The following VPS41 variants were observed in gnomAD, a reference collection of about 807,000 sequenced individuals.
The protein encoded by VPS41 is vacuolar protein sorting-associated protein 41 homolog.
VPS41 carries 85 observed loss-of-function variants against 130.9 expected under a neutral mutation model. The observed-to-expected ratio is 0.65, with a 90% confidence interval of 0.55 to 0.78. The LOEUF is 0.78. VPS41 is among the 30% of genes least tolerant of loss of function. The probability of loss-of-function intolerance (pLI) is 0.00; values close to 1 mark genes in which losing one functional copy is unlikely to be tolerated. For missense variants in VPS41, 874 were observed against 1,018.7 expected, an observed-to-expected ratio of 0.86 and a Z score of 1.93; for synonymous variants, 335 against 332.9, an observed-to-expected ratio of 1.01 and a Z score of -0.07.
At chr7:38,804,128 T>G (rs1295728457) in intron 7 of VPS41, among the ~76,000 whole-genome samples, 2 of 152,200 alleles carry the variant, frequency 1.3e-5, no homozygotes, top group Non-Finnish European at 2.9e-5. Context: ...AAATGCCACT[T>G]GCTTACAAAC....
intron 7 of VPS41, among the ~76,000 whole-genome samples, chr7:38,804,806 C>A (rs900404345): frequency 1.3e-5 from 2 of 152,216 alleles, no homozygotes; most frequent in African/African-American, 2.4e-5. Flanking sequence ...AATGCAAGCA[C>A]ATAATTACAA....
chr7:38,846,502 A>G (rs1342141451), intron 4 of VPS41, among the ~76,000 whole-genome samples: 2 of 152,248 alleles, frequency 1.3e-5, no homozygotes, highest in Admixed American at 1.3e-4. Flanking sequence ...GTCTGGATAC[A>G]GTGTAGGCGC....
Position 38,898,689 on chromosome 7 carries a change from AAC to A in VPS41, c.22-562_22-561del, listed in dbSNP as rs762686362. Among the ~76,000 whole-genome samples, 5 of 152,342 alleles carry A rather than the reference AAC, an allele frequency of 3.3e-5. No individual in the cohort carries two copies. The East Asian group carries it at 5.8e-4, about 18-fold the overall frequency. On this transcript the variant is annotated intron_variant, in intron 1 of 28. Coordinates refer to ENST00000310301, the MANE Select transcript of VPS41 (RefSeq NM_014396.4). ...ACCACTAAGACAAATTCTGCCATTTAACACAGTTTCCCTCTCGCTAGACAATG... is the reference window on the plus strand; with the variant it reads ...ACCACTAAGACAAATTCTGCCATTTAACAGTTTCCCTCTCGCTAGACAATG...
chr7:38,777,456 T>C (rs1784280565), intron 10 of VPS41, among the ~76,000 whole-genome samples: 1 of 152,208 alleles, frequency 6.6e-6, no homozygotes, highest in South Asian at 2.1e-4. Flanking sequence ...CCCAAAGATC[T>C]GACAGAAAGC....
chr7:38,905,779 T>G (rs768415216), intron 1 of VPS41, among the ~76,000 whole-genome samples: 54 of 152,232 alleles, frequency 3.5e-4, no homozygotes, highest in Middle Eastern at 3.4e-3. Context: ...TCTCCATTTT[T>G]GGGGGTTTTT....
In VPS41 at chr7:38,885,050, A is replaced by G. The variant is rs148866085; in HGVS notation, c.60+13041T>C. On this transcript the variant is annotated intron_variant, in intron 2 of 28. Coordinates refer to ENST00000310301, the MANE Select transcript of VPS41 (RefSeq NM_014396.4). The stretch of plus-strand genomic sequence containing the variant: ...TAAATATATAATACACCAAGAACCT[A>G]TTCAGAGCGCAGGATTTTATTTTTT... Among the ~76,000 whole-genome samples the G allele has an allele frequency of 1.8e-4, 28 of 152,288 alleles. No individual in the cohort carries two copies. The East Asian group carries it at 4.8e-3, about 26-fold the overall frequency.
rs116869871 is a variant in VPS41, at chr7:38,792,446, T to C, written c.718-2579A>G. 2.3e-3 allele frequency among the ~76,000 whole-genome samples: 348 copies of C among 152,302 alleles called. 2 individuals carry two copies. The highest frequency in any genetic ancestry group is 4.0e-3 in the Non-Finnish European group (275 of 68,018). On this transcript the variant is annotated intron_variant, in intron 9 of 28. Coordinates refer to ENST00000310301, the MANE Select transcript of VPS41 (RefSeq NM_014396.4). Reference sequence around the variant, plus strand: ...TCTTTCCCATTTCAGCAAAAGGTAGTTTCACCTTCCAGTATGTTAGGTGAC... The same window carrying C: ...TCTTTCCCATTTCAGCAAAAGGTAGCTTCACCTTCCAGTATGTTAGGTGAC...
rs1562561621 is a variant in VPS41, at chr7:38,726,274, C to T, written c.2537G>A (p.Gly846Glu). ...NICSAKNRGP[G>E]SAILEMKK ...TTTTTTCATCTCCAAAATTGCACTT[C>T]CTGGTCCACGGTTCTTAGCACTGCA... The change falls in exon 29 of 29, where the codon GGA becomes GAA. Residue 846 changes from glycine to glutamate, a missense_variant. Gly to Glu is a moderately conservative substitution (Grantham distance 98, BLOSUM62 -2). Transcript: ENST00000310301. 2 of 1,613,274 alleles carry T rather than the reference C, an allele frequency of 1.2e-6. No homozygotes were observed. Among genetic ancestry groups the T allele is most frequent in the Non-Finnish European group, 1.7e-6 (2 of 1,179,678 alleles).
At chr7:38,728,209 C>T (rs1795586199) in intron 27 of VPS41, 2 of 490,254 alleles carry the variant, frequency 4.1e-6, no homozygotes, top group Non-Finnish European at 7.4e-6. Context: ...GTGGCATCAA[C>T]ATTACCTGGG....
At position 38,726,390 on chromosome 7, in the gene VPS41, G is replaced by C. The variant is rs529842725; in HGVS notation, c.2485-64C>G. On this transcript the variant is annotated intron_variant, in intron 28 of 28. Coordinates refer to ENST00000310301, the MANE Select transcript of VPS41 (RefSeq NM_014396.4). Reference sequence around the variant, plus strand: ...TCTTCTTTTTCTACTCTCATATTCAGAAACACTAAGGTAGCGTTAGTCAGG... The same window carrying C: ...TCTTCTTTTTCTACTCTCATATTCACAAACACTAAGGTAGCGTTAGTCAGG... 1.4e-5 allele frequency: 18 copies of C among 1,301,496 alleles called. No individual in the cohort carries two copies. In the South Asian group the frequency reaches 2.2e-4, roughly 16 times the overall value. 80.6% of individuals were successfully genotyped at this position (1,301,496 alleles called of 1,614,324 possible). A position where few individuals can be genotyped will look rare whatever the true frequency, so the allele number is the denominator to read the frequency against.
chr7:38,767,502 A>T (rs759363030), intron 15 of VPS41, 35 bp downstream of exon 15: 2 of 1,481,928 alleles, frequency 1.3e-6, no homozygotes, highest in South Asian at 2.4e-5. Flanking sequence ...AATTCTATTT[A>T]TATTAACAAA....
chr7:38,782,481 G>A (rs1784369301), intron 10 of VPS41, among the ~76,000 whole-genome samples: 1 of 152,212 alleles, frequency 6.6e-6, no homozygotes, highest in Non-Finnish European at 1.5e-5. Flanking sequence ...TGTAAATGTT[G>A]TCTGTGGGTT....
chr7:38,829,295 A>C (rs1012126409), intron 5 of VPS41, among the ~76,000 whole-genome samples: 2 of 152,196 alleles, frequency 1.3e-5, no homozygotes, highest in African/African-American at 4.8e-5. Context: ...AAGAGACTTC[A>C]TGTTGCTTTT....
At chr7:38,729,124 C>T (rs989837409) in intron 25 of VPS41, among the ~76,000 whole-genome samples, 1 of 152,162 alleles carries the variant, frequency 6.6e-6, no homozygotes, top group Non-Finnish European at 1.5e-5. Flanking sequence ...AGAGGGCTTC[C>T]TTATACAGAT....
At chr7:38,761,818 C>T (rs944958981) in intron 17 of VPS41, among the ~76,000 whole-genome samples, 7 of 152,126 alleles carry the variant, frequency 4.6e-5, no homozygotes, top group Middle Eastern at 3.4e-3. Flanking sequence ...AACTCCTGGG[C>T]TCAAGCAATC....
intron 17 of VPS41, 132 bp downstream of exon 17, chr7:38,763,323 C>T: frequency 5.9e-6 from 3 of 504,758 alleles, no homozygotes; most frequent in Non-Finnish European, 6.7e-6. Context: ...GTTTCTCTAG[C>T]TCAGTTTCAC....
At chr7:38,762,141 T>C (rs1783934434) in intron 17 of VPS41, among the ~76,000 whole-genome samples, 1 of 152,164 alleles carries the variant, frequency 6.6e-6, no homozygotes, top group Non-Finnish European at 1.5e-5. Context: ...TAAACATCTA[T>C]CATATTTCAT....
intron 7 of VPS41, among the ~76,000 whole-genome samples, chr7:38,810,936 C>A (rs1020120148): frequency 6.6e-6 from 1 of 152,054 alleles, no homozygotes; most frequent in African/African-American, 2.4e-5. Context: ...TTTAAAATTG[C>A]AGCTGAAAGG....
chr7:38,849,790 T>G (rs913299346), intron 4 of VPS41, among the ~76,000 whole-genome samples: 1 of 151,954 alleles, frequency 6.6e-6, no homozygotes, highest in South Asian at 2.1e-4. Flanking sequence ...GACAGGGTGG[T>G]CTTGGGAAAT....
Sources: allele counts gnomAD v4.1 joint callset (sites outside exome capture counted in the v4.1 genomes callset), GRCh38; gene constraint gnomAD v4.1.1; transcripts MANE v1.5; gene names NCBI Gene and HGNC (gene_info 2026-07-23, HGNC 2026-07-21).